NBPF15: variants seen among roughly 807,000 people sequenced by gnomAD.
NBPF15 encodes NBPF family member NBPF15.
A neutral mutation model predicts 62.2 loss-of-function variants in NBPF15; 74 were observed. The ratio of observed to expected loss-of-function variants is 1.19; its 90% CI spans 0.99 to 1.44. The LOEUF is 1.44. Among genes scored for constraint, NBPF15 ranks in the 40% most tolerant of loss-of-function variants. NBPF15 has a pLI of 0.00. For synonymous variants in NBPF15, 244 were observed against 209.7 expected, an observed-to-expected ratio of 1.16 and a Z score of -1.41; for missense variants, 790 against 550.0, an observed-to-expected ratio of 1.44 and a Z score of -4.36.
intron 6 of NBPF15, among the ~76,000 whole-genome samples, chr1:144,445,516 G>A (rs1686865976): frequency 6.8e-6 from 1 of 147,190 alleles, no homozygotes; most frequent in Non-Finnish European, 1.5e-5. Flanking sequence ...ACATAATCTT[G>A]ATTTTCATAG....
At chr1:144,438,498 T>G (rs1553541859) in intron 8 of NBPF15, among the ~76,000 whole-genome samples, 1 of 151,984 alleles carries the variant, frequency 6.6e-6, no homozygotes. Context: ...GTGAAAGATT[T>G]TTAAAATCTT....
chr1:144,443,997 T>C (rs1405635168), intron 6 of NBPF15, among the ~76,000 whole-genome samples: 18 of 152,022 alleles, frequency 1.2e-4, no homozygotes, highest in Non-Finnish European at 2.5e-4. Flanking sequence ...AAATGATACC[T>C]GTGTTCTTTT....
rs1964846 is a variant in NBPF15, at chr1:144,447,698, A to G, written c.-191+1077T>C. On this transcript the variant is annotated intron_variant, in intron 6 of 21. Transcript: ENST00000581897. ...TATCCCCAAGTCTGTGCTCATATTC[A>G]GAAAAGAAAGCTCAGCGTAAAGCAC... 1.7e-4 allele frequency among the ~76,000 whole-genome samples: 25 copies of G among 149,780 alleles called. No homozygotes were observed. In the East Asian group the frequency reaches 2.2e-3, roughly 13 times the overall value.
In NBPF15 at chr1:144,428,113, G is replaced by T. The variant is rs1435461062; in HGVS notation, c.1041-123C>A. 3 of 682,410 alleles carry T rather than the reference G, an allele frequency of 4.4e-6. No homozygotes were observed. In the Admixed American group the frequency reaches 7.0e-5, roughly 16 times the overall value. 42.3% of individuals were successfully genotyped at this position (682,410 alleles called of 1,614,324 possible). The stretch of plus-strand genomic sequence containing the variant: ...AGAAAAAGGACAGATCCATTAATGA[G>T]GTAACAAATTATTGCCTTTATGTTG... On this transcript the variant is annotated intron_variant, in intron 15 of 21. Coordinates refer to ENST00000581897, the MANE Select transcript of NBPF15 (RefSeq NM_001385408.1).
intron 13 of NBPF15, among the ~76,000 whole-genome samples, chr1:144,432,635 CA>C (rs1202401970): frequency 6.6e-6 from 1 of 151,240 alleles, no homozygotes; most frequent in Non-Finnish European, 1.5e-5. Flanking sequence ...AAATGGAAAA[CA>C]AAAAAAGGCA....
In NBPF15 at chr1:144,439,750, T is replaced by C. The variant is rs1262911541; in HGVS notation, c.175+79A>G. 8.8e-6 allele frequency: 9 copies of C among 1,024,000 alleles called. No homozygotes were observed. In the African/African-American group the frequency reaches 9.5e-5, roughly 11 times the overall value. 63.4% of individuals were successfully genotyped at this position (1,024,000 alleles called of 1,614,324 possible). A position where few individuals can be genotyped will look rare whatever the true frequency, so the allele number is the denominator to read the frequency against. On this transcript the variant is annotated intron_variant, in intron 8 of 21. Transcript: ENST00000581897. ...ACAGGAAGGATGAAATTATTTTTGA[T>C]GGAGAGAGCATTTAGTGTCTCAGAG...
chr1:144,448,346 C>T (rs1406492609), intron 6 of NBPF15, among the ~76,000 whole-genome samples: 2 of 152,024 alleles, frequency 1.3e-5, no homozygotes, highest in Admixed American at 1.3e-4. Flanking sequence ...TGTGTCCAGA[C>T]ATTCCTGGTG....
At chr1:144,459,165 G>T (rs1650494382) in intron 3 of NBPF15, among the ~76,000 whole-genome samples, 1 of 151,960 alleles carries the variant, frequency 6.6e-6, no homozygotes, top group Non-Finnish European at 1.5e-5. Flanking sequence ...AACCATAAAG[G>T]AAAAGATTGA....
At chr1:144,436,517 A>C (rs1165352893) in intron 10 of NBPF15, among the ~76,000 whole-genome samples, 1 of 152,014 alleles carries the variant, frequency 6.6e-6, no homozygotes, top group African/African-American at 2.4e-5. Flanking sequence ...AGGACAAGTC[A>C]TTCACTCTCT....
At chr1:144,423,502 T>G (rs587755770) in intron 21 of NBPF15, among the ~76,000 whole-genome samples, 2 of 151,834 alleles carry the variant, frequency 1.3e-5, no homozygotes, top group Non-Finnish European at 2.9e-5. Flanking sequence ...AGCTAGTGAA[T>G]TGCCCAGGTG....
intron 5 of NBPF15, among the ~76,000 whole-genome samples, chr1:144,450,467 C>A (rs1278212540): frequency 6.6e-6 from 1 of 151,894 alleles, no homozygotes; most frequent in Non-Finnish European, 1.5e-5. Context: ...AATAGGAACT[C>A]TTTCATTATC....
intron 4 of NBPF15, among the ~76,000 whole-genome samples, chr1:144,455,985 C>T (rs1379155203): frequency 3.3e-5 from 5 of 152,006 alleles, no homozygotes; most frequent in African/African-American, 7.3e-5. Context: ...GAGATGGGAA[C>T]GGCCTTCAAA....
chr1:144,422,935 C>T lies in NBPF15; in HGVS notation c.*78G>A, dbSNP rs868909811. 1.0e-4 allele frequency: 166 copies of T among 1,611,372 alleles called. No individual in the cohort carries two copies. In the African/African-American group the frequency reaches 2.0e-3, roughly 19 times the overall value. ...CCTATGTCTGGGCTTCCAAATGGAACTGTACTTTCATTCAAATCTTCTCGT... is the reference window on the plus strand; with the variant it reads ...CCTATGTCTGGGCTTCCAAATGGAATTGTACTTTCATTCAAATCTTCTCGT... On this transcript the variant is annotated 3_prime_UTR_variant, in exon 22 of 22. Coordinates refer to ENST00000581897, the MANE Select transcript of NBPF15 (RefSeq NM_001385408.1).
Position 144,427,876 on chromosome 1 carries a change from G to A in NBPF15, c.1155C>T (p.Tyr385=). 1 of 655,358 alleles carries A rather than the reference G, an allele frequency of 1.5e-6. No homozygotes were observed. The allele number at this position is 655,358 out of a possible 1,614,324, so 40.6% of individuals were successfully genotyped here. ...GCTCCAATACGTAAAAGGCACTTCT[G>A]TAGGGCTGGCATGAGTCAGTCAGTT... ...CLELTDSCQP[Y]RSAFYVLEQQ... Residue 385 remains tyrosine (Y), a synonymous_variant, in exon 16 of 22, where the codon TAC becomes TAT. Transcript: ENST00000581897.
rs1692753789 is a variant in NBPF15 at position 144,453,790 on chromosome 1, C to T, written c.-432+2747G>A. On this transcript the variant is annotated intron_variant, in intron 4 of 21. Coordinates refer to ENST00000581897, the MANE Select transcript of NBPF15 (RefSeq NM_001385408.1). Reference sequence around the variant, plus strand: ...CAACGAGATATCACTGTAAACCTATCAGAATGGCTAAAACACAAAACGGTG... The same window carrying T: ...CAACGAGATATCACTGTAAACCTATTAGAATGGCTAAAACACAAAACGGTG... Among the ~76,000 whole-genome samples the T allele has an allele frequency of 4.9e-5, 7 of 143,664 alleles. No individual in the cohort carries two copies. In the South Asian group the frequency reaches 1.6e-3, roughly 33 times the overall value. The allele number at this position is 143,664 out of a possible 152,430, so 94.2% of individuals were successfully genotyped here. A position where few individuals can be genotyped will look rare whatever the true frequency, so the allele number is the denominator to read the frequency against.
At chr1:144,424,438 G>T (rs1168232339) in intron 20 of NBPF15, among the ~76,000 whole-genome samples, 1 of 151,864 alleles carries the variant, frequency 6.6e-6, no homozygotes, top group Non-Finnish European at 1.5e-5. Flanking sequence ...ATCTGCCCAG[G>T]TCCAATGTCA....
At position 144,461,422 on chromosome 1, in the gene NBPF15, TG is replaced by T. The variant is rs1393801214; in HGVS notation, c.-980del. 1 of 151,964 alleles carries T rather than the reference TG, an allele frequency of 6.6e-6. No individual in the cohort carries two copies. The highest frequency in any genetic ancestry group is 2.4e-5 in the African/African-American group (1 of 41,320). 9.4% of individuals were successfully genotyped at this position (151,964 alleles called of 1,614,324 possible). A position where few individuals can be genotyped will look rare whatever the true frequency, so the allele number is the denominator to read the frequency against. ...CGCGGCGCCTTCACCTCGGAAACGC[TG>T]GGTGGACTTCGCTGTAAACCGTAAC... On this transcript the variant is annotated 5_prime_UTR_variant, in exon 1 of 22. An upstream open reading frame in the 5' UTR loses its in-frame stop. Coordinates refer to ENST00000581897, the MANE Select transcript of NBPF15 (RefSeq NM_001385408.1).
rs200525708 is a variant in NBPF15 at position 144,453,638 on chromosome 1, C to CAA, written c.-431-2770_-431-2769dup. 3.9e-3 allele frequency among the ~76,000 whole-genome samples: 143 copies of CAA among 36,376 alleles called. 1 individual carries two copies. The highest frequency in any genetic ancestry group is 7.0e-3 in the Non-Finnish European group (99 of 14,184). 23.9% of individuals were successfully genotyped at this position (36,376 alleles called of 152,430 possible). A position where few individuals can be genotyped will look rare whatever the true frequency, so the allele number is the denominator to read the frequency against. The stretch of plus-strand genomic sequence containing the variant: ...ATTCTGAGAACTAAACAACACAAAG[C>CAA]AAAAAAAAAAAAAAAAAAAAAAAAG... On this transcript the variant is annotated intron_variant, in intron 4 of 21. Coordinates refer to ENST00000581897, the MANE Select transcript of NBPF15 (RefSeq NM_001385408.1).
At chr1:144,445,364 C>T (rs1342882887) in intron 6 of NBPF15, among the ~76,000 whole-genome samples, 8 of 138,610 alleles carry the variant, frequency 5.8e-5, no homozygotes, top group South Asian at 2.3e-4. Flanking sequence ...TACACACACA[C>T]ACACACACAC....
Sources: gnomAD v4.1 joint callset for allele counts (sites outside exome capture counted in the v4.1 genomes callset) on GRCh38, gnomAD v4.1.1 for gene constraint, MANE v1.5 for transcripts, NCBI Gene and HGNC (gene_info 2026-07-23, HGNC 2026-07-21) for gene names.